The following ANOS1 variants were observed in gnomAD, a reference collection of about 807,000 sequenced individuals.
The protein encoded by ANOS1 is anosmin-1.
Under a neutral mutation model 59.0 loss-of-function variants are expected in ANOS1, and 6 were observed. That is an observed-to-expected ratio of 0.10 (90% CI 0.06 to 0.20). The LOEUF (loss-of-function observed/expected upper bound fraction) is 0.20. Ranked by LOEUF, ANOS1 falls within the 10% of genes least tolerant of loss-of-function variation. The pLI, the probability that ANOS1 is intolerant of heterozygous loss-of-function variation, is 1.00. For synonymous variants in ANOS1, 217 were observed against 223.4 expected (o/e 0.97, Z 0.25); for missense variants, 433 against 542.3 (o/e 0.80, Z 2.00).
At chrX:8,558,957 T>C (rs16985038) in intron 8 of ANOS1, among the ~76,000 whole-genome samples, 5,982 of 112,183 alleles carry the variant, frequency 0.053, 383 homozygotes, top group African/African-American at 0.18. Flanking sequence ...CAAGAACCCA[T>C]TCAGTAATTA....
chrX:8,610,046 T>TAAAAAAAAAAA (rs1931026433), intron 3 of ANOS1, among the ~76,000 whole-genome samples: 1 of 88,659 alleles, frequency 1.1e-5, no homozygotes, highest in African/African-American at 4.4e-5. Flanking sequence ...CAACAACCTT[T>TAAAAAAAAAAA]AAAGAGCACC....
intron 2 of ANOS1, among the ~76,000 whole-genome samples, chrX:8,636,056 C>T (rs1931567917): frequency 9.0e-6 from 1 of 111,677 alleles, no homozygotes. Context: ...TCTGACATCA[C>T]TGTGCTGCAA....
chrX:8,696,847 A>G (rs748465909), intron 2 of ANOS1, among the ~76,000 whole-genome samples: 2 of 112,088 alleles, frequency 1.8e-5, no homozygotes, highest in South Asian at 7.4e-4. Context: ...TTCCTGGGGG[A>G]GGAAATTGCC....
chrX:8,662,900 T>C (rs1932064161), intron 2 of ANOS1, among the ~76,000 whole-genome samples: 1 of 112,026 alleles, frequency 8.9e-6, no homozygotes, highest in South Asian at 3.7e-4. Context: ...GGCAGGCACC[T>C]GTAATTTCAG....
intron 4 of ANOS1, among the ~76,000 whole-genome samples, chrX:8,592,688 C>A (rs12559479): frequency 0.06 from 6,694 of 110,817 alleles, 204 homozygotes; most frequent in Admixed American, 0.12. Context: ...AAGTGAGTGC[C>A]CCCAAATGCA....
Position 8,530,268 on chromosome X carries a change from G to A in ANOS1, c.*2727C>T, listed in dbSNP as rs1270685169. The A allele has an allele frequency of 5.4e-5, 6 of 111,644 alleles. No individual in the cohort carries two copies. The East Asian group carries it at 1.4e-3, about 26-fold the overall frequency. The allele number at this position is 111,644 out of a possible 1,213,427, so 9.2% of individuals were successfully genotyped here. A position where few individuals can be genotyped will look rare whatever the true frequency, so the allele number is the denominator to read the frequency against. On this transcript the variant is annotated 3_prime_UTR_variant, in exon 14 of 14. Transcript: ENST00000262648. ...TGTATTTGATGACAATATTTTTGAT[G>A]AGCTCAATTTTTTAAACAGTCAATA...
At chrX:8,682,412 A>G (rs1932440377) in intron 2 of ANOS1, among the ~76,000 whole-genome samples, 1 of 110,641 alleles carries the variant, frequency 9.0e-6, no homozygotes, top group Admixed American at 9.6e-5. Flanking sequence ...AGGTAATGTA[A>G]TAAGTGTAAA....
chrX:8,628,877 T>C (rs1327816405), intron 2 of ANOS1, among the ~76,000 whole-genome samples: 1 of 112,099 alleles, frequency 8.9e-6, no homozygotes, highest in Non-Finnish European at 1.9e-5. Context: ...ACATAGAAAC[T>C]TTACAGATTA....
At chrX:8,569,368 C>T (rs187327187) in intron 7 of ANOS1, among the ~76,000 whole-genome samples, 1,577 of 112,220 alleles carry the variant, frequency 0.014, 30 homozygotes, top group African/African-American at 0.047. Flanking sequence ...TGGGGCTGGG[C>T]GTGGTGGCTC....
intron 3 of ANOS1, among the ~76,000 whole-genome samples, chrX:8,604,717 A>G (rs966898919): frequency 8.9e-6 from 1 of 112,242 alleles, no homozygotes; most frequent in Non-Finnish European, 1.9e-5. Context: ...GGGGTTACTG[A>G]AAATCTGATT....
chrX:8,574,797 G>A (rs750150437), intron 6 of ANOS1, among the ~76,000 whole-genome samples: 1 of 111,295 alleles, frequency 9.0e-6, no homozygotes, highest in East Asian at 2.8e-4. Context: ...CTCATCTTGG[G>A]ATTGTGTGAG....
chrX:8,657,846 G>A (rs1219803132), intron 2 of ANOS1, among the ~76,000 whole-genome samples: 1 of 111,229 alleles, frequency 9.0e-6, no homozygotes, highest in Non-Finnish European at 1.9e-5. Context: ...AAGAAGGGGA[G>A]TGAGGCAGGG....
intron 3 of ANOS1, among the ~76,000 whole-genome samples, chrX:8,616,033 G>A (rs942223972): frequency 3.3e-5 from 3 of 89,884 alleles, no homozygotes; most frequent in South Asian, 5.8e-4. Flanking sequence ...TCTCATTTGC[G>A]CCCCTGATCA....
chrX:8,723,061 A>AGATGGATCAAGGACTTAAATCTAAGACCT (rs1932886549), intron 1 of ANOS1, among the ~76,000 whole-genome samples: 1 of 112,208 alleles, frequency 8.9e-6, no homozygotes, highest in Non-Finnish European at 1.9e-5. Flanking sequence ...AATCAACTCA[A>AGATGGATCAAGGACTTAAATCTAAGACCT]GATGGATCAA....
chrX:8,660,312 C>T (rs976912723), intron 2 of ANOS1, among the ~76,000 whole-genome samples: 2 of 112,084 alleles, frequency 1.8e-5, no homozygotes. Flanking sequence ...TGTGTTCTCC[C>T]CATTCCTCTG....
intron 4 of ANOS1, among the ~76,000 whole-genome samples, chrX:8,594,670 A>G (rs866718904): frequency 0.011 from 576 of 53,480 alleles, 37 homozygotes; most frequent in African/African-American, 0.042. Context: ...ATATATATAT[A>G]TATATATATA....
chrX:8,595,865 A>T (rs191552300), intron 4 of ANOS1, among the ~76,000 whole-genome samples: 1,953 of 111,122 alleles, frequency 0.018, 46 homozygotes, highest in African/African-American at 0.061. Flanking sequence ...CAAAGCTTCA[A>T]CTGTATTTAC....
intron 2 of ANOS1, among the ~76,000 whole-genome samples, chrX:8,634,923 T>C (rs931943950): frequency 9.0e-6 from 1 of 111,459 alleles, no homozygotes; most frequent in Non-Finnish European, 1.9e-5. Context: ...CCCAAGCAAC[T>C]GTTCAAGAAG....
intron 2 of ANOS1, among the ~76,000 whole-genome samples, chrX:8,685,636 GA>G: frequency 1.0e-5 from 1 of 99,944 alleles, no homozygotes; most frequent in East Asian, 3.1e-4. Context: ...AAGAAAGAAA[GA>G]AAGAAAGAAA....
Sources: allele counts gnomAD v4.1 joint callset (sites outside exome capture counted in the v4.1 genomes callset), GRCh38; gene constraint gnomAD v4.1.1; transcripts MANE v1.5; gene names NCBI Gene and HGNC (gene_info 2026-07-23, HGNC 2026-07-21).